The following CADPS2 variants were observed in gnomAD, a reference collection of about 807,000 sequenced individuals.
The protein encoded by CADPS2 is calcium dependent secretion activator 2.
In CADPS2, 93 loss-of-function variants were observed where a neutral mutation model predicts 172.5. The ratio of observed to expected loss-of-function variants is 0.54; its 90% CI spans 0.46 to 0.64. CADPS2 has a LOEUF of 0.64. Ranked by LOEUF, CADPS2 falls within the 30% of genes least tolerant of loss-of-function variation. CADPS2 has a pLI of 0.00. For missense variants in CADPS2, 1,420 were observed against 1,565.9 expected (o/e 0.91, Z 1.57); for synonymous variants, 546 against 555.2 (o/e 0.98, Z 0.23).
At chr7:122,415,867 T>C (rs2047842063) in intron 18 of CADPS2, among the ~76,000 whole-genome samples, 194 bp downstream of exon 18, 1 of 152,206 alleles carries the variant, frequency 6.6e-6, no homozygotes, top group Admixed American at 6.5e-5. Context: ...TTTTAGAAAA[T>C]TCACATATGT....
intron 17 of CADPS2, among the ~76,000 whole-genome samples, chr7:122,434,203 A>C (rs1419962681): frequency 3.3e-5 from 5 of 152,236 alleles, no homozygotes; most frequent in African/African-American, 1.2e-4. Flanking sequence ...GGTGACAATC[A>C]GTCCCATATT....
intron 1 of CADPS2, among the ~76,000 whole-genome samples, chr7:122,854,397 G>A (rs528956779): frequency 2.8e-4 from 43 of 152,134 alleles, no homozygotes; most frequent in African/African-American, 9.9e-4. Context: ...AAGGTCTTGC[G>A]TTCACTGCCT....
intron 3 of CADPS2, among the ~76,000 whole-genome samples, chr7:122,649,385 C>A (rs1431022855): frequency 3.9e-5 from 6 of 152,180 alleles, no homozygotes; most frequent in Non-Finnish European, 8.8e-5. Context: ...TGGCACCCAA[C>A]TAGACTGTTC....
rs71531917 is a variant in CADPS2 at position 122,790,397 on chromosome 7, T to TAA, written c.340-53331_340-53330dup. ...CAAGGGGACAGCCAGACAGCGTTTC[T>TAA]AAAAAAAAAAAAAAAAAAAGAAAAG... On this transcript the variant is annotated intron_variant, in intron 1 of 29. Coordinates refer to ENST00000449022, the MANE Select transcript of CADPS2 (RefSeq NM_017954.11). Among the ~76,000 whole-genome samples the TAA allele has an allele frequency of 2.5e-4, 29 of 117,058 alleles. No homozygotes were observed. In the East Asian group the frequency reaches 4.3e-3, roughly 17 times the overall value. The allele number at this position is 117,058 out of a possible 152,430, so 76.8% of individuals were successfully genotyped here.
intron 3 of CADPS2, among the ~76,000 whole-genome samples, chr7:122,661,017 T>C (rs778197963): frequency 3.9e-5 from 6 of 152,172 alleles, no homozygotes; most frequent in Admixed American, 6.5e-5. Context: ...AGAGATACCA[T>C]GTTAACCTTA....
intron 1 of CADPS2, among the ~76,000 whole-genome samples, chr7:122,793,942 T>C (rs1030646035): frequency 1.1e-4 from 17 of 152,172 alleles, no homozygotes; most frequent in African/African-American, 3.6e-4. Context: ...TTTAAGAATG[T>C]TGAGTATTGA....
chr7:122,864,762 G>T (rs898729693), intron 1 of CADPS2, among the ~76,000 whole-genome samples: 1 of 152,064 alleles, frequency 6.6e-6, no homozygotes, highest in African/African-American at 2.4e-5. Context: ...TTAAGATATG[G>T]GCCCTAGACT....
At chr7:122,325,302 G>C (rs1049533837) in intron 29 of CADPS2, among the ~76,000 whole-genome samples, 175 bp downstream of exon 29, 5 of 151,938 alleles carry the variant, frequency 3.3e-5, no homozygotes, top group Non-Finnish European at 7.4e-5. Context: ...GTGCAAAAAA[G>C]ATAAATTTAT....
intron 2 of CADPS2, among the ~76,000 whole-genome samples, chr7:122,720,627 C>T (rs4727948): frequency 0.86 from 130,355 of 151,472 alleles, 56,160 homozygotes; most frequent in Middle Eastern, 0.93. Context: ...CATATATGTA[C>T]GTATGTGTAT....
chr7:122,403,660 C>T (rs1156898278), intron 20 of CADPS2, among the ~76,000 whole-genome samples: 1 of 151,510 alleles, frequency 6.6e-6, no homozygotes, highest in East Asian at 1.9e-4. Context: ...AATTTATTAC[C>T]CCACAAATTT....
At chr7:122,783,914 C>A (rs1487154215) in intron 1 of CADPS2, among the ~76,000 whole-genome samples, 1 of 152,156 alleles carries the variant, frequency 6.6e-6, no homozygotes, top group African/African-American at 2.4e-5. Flanking sequence ...GTTATGCAAA[C>A]TCTCAGGCCT....
chr7:122,783,507 G>T (rs930807824), intron 1 of CADPS2, among the ~76,000 whole-genome samples: 1 of 152,142 alleles, frequency 6.6e-6, no homozygotes, highest in Admixed American at 6.5e-5. Context: ...TCTGTCCCTT[G>T]CAGACCCTTG....
intron 25 of CADPS2, among the ~76,000 whole-genome samples, chr7:122,377,524 C>T (rs764462964): frequency 1.4e-4 from 21 of 152,076 alleles, no homozygotes; most frequent in Non-Finnish European, 2.4e-4. Context: ...AGGCAACTTC[C>T]GCATGAGGAC....
intron 13 of CADPS2, among the ~76,000 whole-genome samples, chr7:122,473,686 G>GA (rs1397895154): frequency 1.3e-5 from 2 of 152,134 alleles, no homozygotes; most frequent in African/African-American, 4.8e-5. Context: ...TAAATGCTTG[G>GA]AAAAACACAT....
At chr7:122,822,875 C>T (rs1347208107) in intron 1 of CADPS2, among the ~76,000 whole-genome samples, 1 of 151,852 alleles carries the variant, frequency 6.6e-6, no homozygotes, top group African/African-American at 2.4e-5. Context: ...ATAAAATGGC[C>T]CCACCCCTAT....
At chr7:122,417,742 A>G in intron 17 of CADPS2, among the ~76,000 whole-genome samples, 1 of 152,198 alleles carries the variant, frequency 6.6e-6, no homozygotes, top group East Asian at 1.9e-4. Context: ...TGATGCAGGA[A>G]ATGTGAGGGA....
chr7:122,620,849 T>A (rs1424358106), intron 5 of CADPS2, among the ~76,000 whole-genome samples: 1 of 152,186 alleles, frequency 6.6e-6, no homozygotes, highest in Non-Finnish European at 1.5e-5. Flanking sequence ...TTCAATTATA[T>A]GTTGAATTGC....
intron 13 of CADPS2, among the ~76,000 whole-genome samples, chr7:122,471,859 C>T (rs779041899): frequency 6.6e-6 from 1 of 152,072 alleles, no homozygotes; most frequent in Non-Finnish European, 1.5e-5. Flanking sequence ...TTATCACACA[C>T]AAAGAGTGTT....
At chr7:122,688,395 A>C (rs892159487) in intron 2 of CADPS2, among the ~76,000 whole-genome samples, 2 of 152,182 alleles carry the variant, frequency 1.3e-5, no homozygotes, top group Non-Finnish European at 2.9e-5. Flanking sequence ...CAGCCTTCTA[A>C]GTTTCATGTG....
Sources: gnomAD v4.1 joint callset for allele counts (sites outside exome capture counted in the v4.1 genomes callset) on GRCh38, gnomAD v4.1.1 for gene constraint, MANE v1.5 for transcripts, NCBI Gene and HGNC (gene_info 2026-07-23, HGNC 2026-07-21) for gene names.